The following CSMD1 variants were observed in gnomAD, a reference collection of about 807,000 sequenced individuals.
CSMD1 encodes the protein CUB and sushi domain-containing protein 1.
Under a neutral mutation model 417.5 loss-of-function variants are expected in CSMD1, and 213 were observed. The ratio of observed to expected loss-of-function variants is 0.51; its 90% CI spans 0.46 to 0.57. The LOEUF is 0.57. Ranked by LOEUF, CSMD1 falls within the 20% of genes least tolerant of loss-of-function variation. The pLI, the probability that CSMD1 is intolerant of heterozygous loss-of-function variation, is 0.00. For missense variants in CSMD1, 6,923 were observed against 4,529.7 expected (o/e 1.53, Z -15.17); for synonymous variants, 2,862 against 1,736.8 (o/e 1.65, Z -16.11).
chr8:3,197,211 A>C (rs1796749590), intron 33 of CSMD1, among the ~76,000 whole-genome samples: 1 of 151,918 alleles, frequency 6.6e-6, no homozygotes, highest in African/African-American at 2.4e-5. Flanking sequence ...AAGGCTAGAG[A>C]CCATGATCTG....
intron 6 of CSMD1, among the ~76,000 whole-genome samples, chr8:3,724,193 T>C (rs983465133): frequency 2.4e-5 from 1 of 41,890 alleles, no homozygotes; most frequent in African/African-American, 6.5e-5. Flanking sequence ...CCTCTTTTAC[T>C]ACTTTTTTTT....
chr8:4,827,082 G>A (rs555795493), intron 1 of CSMD1, among the ~76,000 whole-genome samples: 81 of 152,240 alleles, frequency 5.3e-4, no homozygotes, highest in African/African-American at 1.9e-3. Flanking sequence ...TTAAGTCCAT[G>A]TTCTGGCAAT....
chr8:3,607,006 G>C (rs1221175613), intron 8 of CSMD1, among the ~76,000 whole-genome samples: 1 of 152,068 alleles, frequency 6.6e-6, no homozygotes, highest in East Asian at 1.9e-4. Flanking sequence ...CGCCGTGCCT[G>C]GCCTACCGTG....
Position 4,447,095 on chromosome 8 carries a change from G to A in CSMD1, c.303-27030C>T, listed in dbSNP as rs1470646789. ...CCTCAGTTATGACAGCGTCTCTTTG[G>A]GAAAAGGTACTTACTTAAATGTACA... On this transcript the variant is annotated intron_variant, in intron 2 of 69. Transcript: ENST00000635120. 1.3e-4 allele frequency among the ~76,000 whole-genome samples: 20 copies of A among 152,000 alleles called. 1 individual carries two copies. Among genetic ancestry groups the A allele is most frequent in the Admixed American group, 1.3e-3 (20 of 15,248 alleles).
In CSMD1 at chr8:4,723,811, A is replaced by C. The variant is rs533766013; in HGVS notation, c.86-86253T>G. On this transcript the variant is annotated intron_variant, in intron 1 of 69. Coordinates refer to ENST00000635120, the MANE Select transcript of CSMD1 (RefSeq NM_033225.6). ...GTAAAAAAAAAAAAACAAAAAAAAAACAAAACAAAACAGTGCCTGAATCAT... is the reference window on the plus strand; with the variant it reads ...GTAAAAAAAAAAAAACAAAAAAAAACCAAAACAAAACAGTGCCTGAATCAT... Among the ~76,000 whole-genome samples, 154 of 151,008 alleles carry C rather than the reference A, an allele frequency of 1.0e-3. 1 individual carries two copies. Among genetic ancestry groups the C allele is most frequent in the Admixed American group, 5.3e-3 (80 of 15,122 alleles).
At chr8:3,878,600 T>A (rs2129118706) in intron 5 of CSMD1, among the ~76,000 whole-genome samples, 1 of 152,322 alleles carries the variant, frequency 6.6e-6, no homozygotes, top group South Asian at 2.1e-4. Context: ...TTTTTACCGA[T>A]AAATCTGTAA....
chr8:3,017,530 G>C (rs1019244543), intron 52 of CSMD1, among the ~76,000 whole-genome samples: 2 of 152,136 alleles, frequency 1.3e-5, no homozygotes, highest in African/African-American at 4.8e-5. Flanking sequence ...GTGAGAAAGA[G>C]TGTGAGAAAC....
chr8:3,893,454 T>C (rs756657739), intron 5 of CSMD1, among the ~76,000 whole-genome samples: 4 of 150,284 alleles, frequency 2.7e-5, no homozygotes, highest in African/African-American at 7.3e-5. Flanking sequence ...GACAGTATGA[T>C]AGCTTTTGCA....
intron 37 of CSMD1, among the ~76,000 whole-genome samples, chr8:3,179,092 C>CGA (rs1554452946): frequency 6.6e-6 from 1 of 151,104 alleles, no homozygotes; most frequent in South Asian, 2.1e-4. Context: ...GGACTACAGG[C>CGA]CCGCCACCAC....
At chr8:4,238,898 T>C (rs975070288) in intron 3 of CSMD1, among the ~76,000 whole-genome samples, 2 of 152,196 alleles carry the variant, frequency 1.3e-5, no homozygotes, top group Non-Finnish European at 2.9e-5. Context: ...TTTTTTGAGT[T>C]TCTAGGTTAA....
intron 5 of CSMD1, among the ~76,000 whole-genome samples, chr8:3,823,829 G>C (rs114290479): frequency 0.012 from 1,789 of 152,070 alleles, 45 homozygotes; most frequent in African/African-American, 0.041. Context: ...CATAAAGATG[G>C]TAATTTAAAA....
At chr8:4,980,543 G>C (rs1280428697) in intron 1 of CSMD1, among the ~76,000 whole-genome samples, 2 of 152,172 alleles carry the variant, frequency 1.3e-5, no homozygotes, top group Non-Finnish European at 2.9e-5. Flanking sequence ...GTGAGATATT[G>C]AAATCCTCTG....
chr8:3,718,287 C>T (rs910090515), intron 6 of CSMD1, among the ~76,000 whole-genome samples: 1 of 113,524 alleles, frequency 8.8e-6, no homozygotes, highest in Admixed American at 9.7e-5. Flanking sequence ...AATATTCAGG[C>T]ATTCCTGCAT....
chr8:3,741,585 G>C (rs776802758), intron 6 of CSMD1, among the ~76,000 whole-genome samples: 91 of 152,270 alleles, frequency 6.0e-4, no homozygotes, highest in Non-Finnish European at 1.2e-3. Flanking sequence ...AAGATTAACT[G>C]TTTGTTAGAA....
intron 12 of CSMD1, among the ~76,000 whole-genome samples, chr8:3,443,716 T>C (rs1198210343): frequency 3.3e-5 from 5 of 152,210 alleles, no homozygotes; most frequent in African/African-American, 1.2e-4. Context: ...TTTAAAGAAG[T>C]AAATCTAATT....
At chr8:2,990,166 T>C (rs1806252772) in intron 54 of CSMD1, among the ~76,000 whole-genome samples, 1 of 152,242 alleles carries the variant, frequency 6.6e-6, no homozygotes, top group Non-Finnish European at 1.5e-5. Context: ...AGAAAAGAGT[T>C]TGATTAAAGC....
chr8:3,410,605 G>A (rs953004237), intron 12 of CSMD1, among the ~76,000 whole-genome samples: 1 of 152,176 alleles, frequency 6.6e-6, no homozygotes, highest in Non-Finnish European at 1.5e-5. Context: ...TGATTGTGAG[G>A]CCTCTCCAGC....
intron 28 of CSMD1, among the ~76,000 whole-genome samples, chr8:3,220,435 C>G (rs547257325): frequency 1.7e-4 from 26 of 152,262 alleles, no homozygotes; most frequent in African/African-American, 6.3e-4. Flanking sequence ...GATAGAGTCT[C>G]TGAGCTTTAA....
intron 3 of CSMD1, among the ~76,000 whole-genome samples, chr8:4,081,208 C>T (rs1332435274): frequency 3.9e-5 from 6 of 152,252 alleles, no homozygotes; most frequent in South Asian, 2.1e-4. Flanking sequence ...CAGTCTGTGG[C>T]GTTTTGTTAT....
Sources: allele counts gnomAD v4.1 joint callset (sites outside exome capture counted in the v4.1 genomes callset), GRCh38; gene constraint gnomAD v4.1.1; transcripts MANE v1.5; gene names NCBI Gene and HGNC (gene_info 2026-07-23, HGNC 2026-07-21).